Variants in CRTAC1 observed in about 807,000 individuals in gnomAD.
CRTAC1 encodes cartilage acidic protein 1.
CRTAC1 carries 37 observed loss-of-function variants against 67.8 expected under a neutral mutation model. The observed-to-expected ratio is 0.55, with a 90% CI of 0.42 to 0.72. The LOEUF is 0.72. CRTAC1 is among the 30% of genes least tolerant of loss of function. The pLI is 0.00. For missense variants in CRTAC1, 780 were observed against 931.6 expected (o/e 0.84, Z 2.12); for synonymous variants, 348 against 371.0 (o/e 0.94, Z 0.71).
intron 3 of CRTAC1, among the ~76,000 whole-genome samples, chr10:97,931,550 G>T (rs1404347300): frequency 6.6e-6 from 1 of 152,218 alleles, no homozygotes; most frequent in African/African-American, 2.4e-5. Context: ...AATCCAAAAT[G>T]CATTGTTAAA....
chr10:97,897,508 G>C (rs1049993076), intron 8 of CRTAC1, among the ~76,000 whole-genome samples: 1 of 152,200 alleles, frequency 6.6e-6, no homozygotes, highest in African/African-American at 2.4e-5. Flanking sequence ...CTCTCTGCAG[G>C]CTGGGACCTT....
At position 97,879,688 on chromosome 10, in the gene CRTAC1, G is replaced by A. The variant is rs1181520285; in HGVS notation, c.1819+561C>T. 5.2e-6 allele frequency: 8 copies of A among 1,545,934 alleles called. 1 individual carries two copies. Among genetic ancestry groups the A allele is most frequent in the Non-Finnish European group, 7.0e-6 (8 of 1,145,822 alleles). On this transcript the variant is annotated intron_variant, in intron 14 of 14. Coordinates refer to ENST00000370597, the MANE Select transcript of CRTAC1 (RefSeq NM_018058.7). ...TTTTCCTTTATTGATGGGATTTAAAGTGCATATAACTGAAGGCAAAGTCCA... is the reference window on the plus strand; with the variant it reads ...TTTTCCTTTATTGATGGGATTTAAAATGCATATAACTGAAGGCAAAGTCCA...
chr10:97,889,453 T>TGGGG (rs372820099), intron 11 of CRTAC1, among the ~76,000 whole-genome samples: 8 of 95,106 alleles, frequency 8.4e-5, no homozygotes, highest in East Asian at 5.7e-4. Flanking sequence ...TGGAACTTGG[T>TGGGG]GGGGGGGGGT....
At chr10:97,956,910 G>A (rs749734660) in intron 2 of CRTAC1, among the ~76,000 whole-genome samples, 21 of 151,638 alleles carry the variant, frequency 1.4e-4, no homozygotes, top group Non-Finnish European at 2.8e-4. Flanking sequence ...GGGCTCAAGT[G>A]ATCCTCCCAC....
chr10:98,020,762 G>C (rs534034814), intron 1 of CRTAC1, among the ~76,000 whole-genome samples: 2 of 152,208 alleles, frequency 1.3e-5, no homozygotes, highest in Non-Finnish European at 2.9e-5. Flanking sequence ...GTGCAGACTC[G>C]GGGCAGGGGC....
At chr10:97,953,183 G>A (rs1349841628) in intron 2 of CRTAC1, among the ~76,000 whole-genome samples, 1 of 152,174 alleles carries the variant, frequency 6.6e-6, no homozygotes, top group Admixed American at 6.5e-5. Context: ...CCCAAGTTCA[G>A]TTCCCAAGAC....
chr10:98,013,510 T>C (rs571268419), intron 1 of CRTAC1, among the ~76,000 whole-genome samples: 2 of 152,306 alleles, frequency 1.3e-5, no homozygotes, highest in East Asian at 3.9e-4. Context: ...ATAAATAACC[T>C]AAAGCAAGAT....
rs776768928 is a variant in CRTAC1, at chr10:98,011,233, C to A, written c.129G>T (p.Leu43=). Residue 43 remains leucine (L), a synonymous_variant, in exon 2 of 15, where the codon CTG becomes CTT. Transcript: ENST00000370597. ...PMFTAVTNSV[L]PPDYDSNPTQ... ...TGGGATTACTGTCATAGTCAGGAGG[C>A]AGAACTGAGTTGGTGACTGCAGTGA... The A allele has an allele frequency of 1.2e-6, 2 of 1,614,224 alleles. No homozygotes were observed. The highest frequency in any genetic ancestry group is 1.7e-6 in the Non-Finnish European group (2 of 1,180,052).
At chr10:97,946,789 C>A (rs1564907040) in intron 2 of CRTAC1, among the ~76,000 whole-genome samples, 1 of 152,120 alleles carries the variant, frequency 6.6e-6, no homozygotes, top group Non-Finnish European at 1.5e-5. Context: ...ATCTCAAGGG[C>A]CCCCTATTCC....
intron 1 of CRTAC1, among the ~76,000 whole-genome samples, chr10:98,021,494 GA>G (rs1355508905): frequency 1.3e-5 from 2 of 152,170 alleles, no homozygotes; most frequent in Non-Finnish European, 2.9e-5. Flanking sequence ...GCCTTATGCA[GA>G]AGTCACAGCA....
chr10:98,016,639 C>T lies in CRTAC1; in HGVS notation c.25-5302G>A, dbSNP rs547269690. Among the ~76,000 whole-genome samples the T allele has an allele frequency of 2.0e-4, 31 of 152,212 alleles. No individual in the cohort carries two copies. The South Asian group carries it at 5.6e-3, about 28-fold the overall frequency. On this transcript the variant is annotated intron_variant, in intron 1 of 14. Coordinates refer to ENST00000370597, the MANE Select transcript of CRTAC1 (RefSeq NM_018058.7). ...TTAGAAATATGCCACCACCCAGGTC[C>T]CTTACCCAGTTTCTGATTGAACTGG...
chr10:97,889,397 T>C (rs2050332651), intron 11 of CRTAC1, among the ~76,000 whole-genome samples: 1 of 149,550 alleles, frequency 6.7e-6, no homozygotes, highest in Admixed American at 6.7e-5. Context: ...TGGAGGTCCG[T>C]CTGCACCGAG....
intron 2 of CRTAC1, among the ~76,000 whole-genome samples, chr10:97,951,467 T>C (rs901040947): frequency 1.3e-5 from 2 of 152,234 alleles, no homozygotes; most frequent in Non-Finnish European, 2.9e-5. Flanking sequence ...GAGGGGTCTT[T>C]GTTGCAGGCT....
At chr10:98,001,739 T>G (rs1465800051) in intron 2 of CRTAC1, among the ~76,000 whole-genome samples, 6 of 152,170 alleles carry the variant, frequency 3.9e-5, no homozygotes, top group African/African-American at 1.4e-4. Context: ...AGTGGGAATG[T>G]TCGTTTTTAG....
intron 2 of CRTAC1, among the ~76,000 whole-genome samples, chr10:98,004,748 T>C (rs1326849041): frequency 1.4e-4 from 21 of 152,126 alleles, no homozygotes; most frequent in Admixed American, 1.4e-3. Flanking sequence ...GAACATATTA[T>C]GCAGTGAAAA....
At chr10:98,005,743 T>C (rs998400589) in intron 2 of CRTAC1, among the ~76,000 whole-genome samples, 1 of 151,950 alleles carries the variant, frequency 6.6e-6, no homozygotes, top group African/African-American at 2.4e-5. Flanking sequence ...GGCTAAATCA[T>C]GGATAAATGT....
At chr10:97,879,278 C>T (rs2050181065) in intron 14 of CRTAC1, among the ~76,000 whole-genome samples, 2 of 152,124 alleles carry the variant, frequency 1.3e-5, no homozygotes, top group Non-Finnish European at 2.9e-5. Context: ...AAAGCAGAAA[C>T]AGCACAGGCC....
At chr10:97,940,084 A>G (rs1221912028) in intron 2 of CRTAC1, among the ~76,000 whole-genome samples, 1 of 152,224 alleles carries the variant, frequency 6.6e-6, no homozygotes, top group East Asian at 1.9e-4. Context: ...ATGAATGAAT[A>G]AATAAAAATA....
intron 1 of CRTAC1, among the ~76,000 whole-genome samples, chr10:98,022,219 G>A (rs1173810114): frequency 2.0e-5 from 3 of 152,102 alleles, no homozygotes; most frequent in African/African-American, 7.2e-5. Context: ...GCTGGGTGTG[G>A]TGGTGCATGC....
Sources: gnomAD v4.1 joint callset for allele counts (sites outside exome capture counted in the v4.1 genomes callset) on GRCh38, gnomAD v4.1.1 for gene constraint, MANE v1.5 for transcripts, NCBI Gene and HGNC (gene_info 2026-07-23, HGNC 2026-07-21) for gene names.